Variants in PRKG1 observed in about 807,000 individuals in gnomAD.
The protein encoded by PRKG1 is protein kinase cGMP-dependent 1.
In PRKG1, 35 loss-of-function variants were observed where a neutral mutation model predicts 88.1. The observed-to-expected ratio is 0.40, with a 90% CI of 0.30 to 0.53. PRKG1 has a LOEUF of 0.53. PRKG1 is among the 20% of genes least tolerant of loss of function. PRKG1 has a pLI of 0.59. For synonymous variants in PRKG1, 303 were observed against 292.5 expected, an observed-to-expected ratio of 1.04 and a Z score of -0.37; for missense variants, 540 against 839.8, an observed-to-expected ratio of 0.64 and a Z score of 4.41.
intron 2 of PRKG1, among the ~76,000 whole-genome samples, chr10:51,203,607 G>C (rs1340383771): frequency 6.6e-6 from 1 of 152,208 alleles, no homozygotes; most frequent in Non-Finnish European, 1.5e-5. Context: ...ACTGTGGAAA[G>C]GCTTTGGGTG....
chr10:52,212,889 A>G (rs993360410), intron 9 of PRKG1, among the ~76,000 whole-genome samples: 1 of 152,224 alleles, frequency 6.6e-6, no homozygotes, highest in Non-Finnish European at 1.5e-5. Context: ...CAGTGAAAAC[A>G]CTAAAAGAAA....
chr10:51,533,617 T>TAAA (rs34738901), intron 3 of PRKG1, among the ~76,000 whole-genome samples: 1 of 142,890 alleles, frequency 7.0e-6, no homozygotes, highest in East Asian at 2.1e-4. Flanking sequence ...CTAAAAGCTT[T>TAAA]AAAAAAAAAA....
chr10:52,018,860 T>A (rs1350627965), intron 5 of PRKG1, among the ~76,000 whole-genome samples: 1 of 152,148 alleles, frequency 6.6e-6, no homozygotes, highest in Non-Finnish European at 1.5e-5. Flanking sequence ...GGGAATTTGG[T>A]CAATGTGATT....
At chr10:51,547,307 TAA>T (rs1248570933) in intron 3 of PRKG1, among the ~76,000 whole-genome samples, 3 of 152,076 alleles carry the variant, frequency 2.0e-5, no homozygotes, top group Non-Finnish European at 4.4e-5. Context: ...ACATCTAGAT[TAA>T]GTCATTTATT....
chr10:51,517,038 T>C (rs1000214903), intron 3 of PRKG1, among the ~76,000 whole-genome samples: 2 of 152,210 alleles, frequency 1.3e-5, no homozygotes, highest in Non-Finnish European at 2.9e-5. Flanking sequence ...ATACTGTTTT[T>C]TTCTACCCTC....
chr10:52,176,578 G>A (rs1183804658), intron 9 of PRKG1, among the ~76,000 whole-genome samples: 1 of 151,994 alleles, frequency 6.6e-6, no homozygotes, highest in African/African-American at 2.4e-5. Flanking sequence ...TATTTTGATA[G>A]GGATTGCATT....
At chr10:51,849,342 C>T (rs1261403120) in intron 4 of PRKG1, among the ~76,000 whole-genome samples, 1 of 152,090 alleles carries the variant, frequency 6.6e-6, no homozygotes, top group East Asian at 1.9e-4. Context: ...GAATGGTCAG[C>T]CATAAAACGA....
At chr10:51,397,693 C>T (rs1057345664) in intron 2 of PRKG1, among the ~76,000 whole-genome samples, 3 of 96,422 alleles carry the variant, frequency 3.1e-5, no homozygotes, top group African/African-American at 1.1e-4. Context: ...GGGATTCTGG[C>T]AGTGGAAATA....
intron 1 of PRKG1, among the ~76,000 whole-genome samples, chr10:51,017,648 A>G (rs769899568): frequency 2.6e-5 from 4 of 152,118 alleles, no homozygotes; most frequent in African/African-American, 4.8e-5. Context: ...ACTGACTTCA[A>G]ATTTTTTCCT....
chr10:51,843,111 T>C (rs926417558), intron 4 of PRKG1, among the ~76,000 whole-genome samples: 1 of 148,330 alleles, frequency 6.7e-6, no homozygotes, highest in Non-Finnish European at 1.5e-5. Flanking sequence ...TTTTTTTTTT[T>C]TTTTTGAGAC....
intron 3 of PRKG1, among the ~76,000 whole-genome samples, chr10:51,730,801 A>C (rs1477281741): frequency 2.0e-5 from 3 of 152,204 alleles, no homozygotes; most frequent in African/African-American, 7.2e-5. Flanking sequence ...TGTTTATTCA[A>C]ATTTAAAAGA....
intron 5 of PRKG1, among the ~76,000 whole-genome samples, chr10:51,972,843 T>G (rs866415547): frequency 6.8e-6 from 1 of 146,278 alleles, no homozygotes; most frequent in East Asian, 2.0e-4. Flanking sequence ...TGATATAGGG[T>G]TTTTTTTTTA....
At chr10:51,807,737 A>C (rs1277403844) in intron 4 of PRKG1, among the ~76,000 whole-genome samples, 1 of 152,176 alleles carries the variant, frequency 6.6e-6, no homozygotes, top group Non-Finnish European at 1.5e-5. Flanking sequence ...TAATTTCTGC[A>C]TGACAGCTGT....
intron 3 of PRKG1, among the ~76,000 whole-genome samples, chr10:51,585,346 T>G (rs957746647): frequency 6.6e-6 from 1 of 152,096 alleles, no homozygotes; most frequent in Non-Finnish European, 1.5e-5. Context: ...GCTAAAATAT[T>G]TTGGTGATTT....
chr10:52,239,591 T>C (rs1017882567), intron 9 of PRKG1, among the ~76,000 whole-genome samples: 4 of 149,716 alleles, frequency 2.7e-5, no homozygotes, highest in African/African-American at 9.8e-5. Flanking sequence ...TTTCTTTCAT[T>C]TTACTCAATT....
At chr10:51,057,972 T>A (rs1158066197) in intron 1 of PRKG1, among the ~76,000 whole-genome samples, 1 of 152,114 alleles carries the variant, frequency 6.6e-6, no homozygotes, top group African/African-American at 2.4e-5. Context: ...CAATTTATAC[T>A]CCCACTAATA....
intron 3 of PRKG1, among the ~76,000 whole-genome samples, chr10:51,653,136 A>G (rs1589163459): frequency 6.6e-6 from 1 of 152,206 alleles, no homozygotes; most frequent in East Asian, 1.9e-4. Context: ...GGTTGATTCC[A>G]TATCTTAGCT....
chr10:51,499,307 T>G (rs1840954598), intron 3 of PRKG1, among the ~76,000 whole-genome samples: 1 of 152,274 alleles, frequency 6.6e-6, no homozygotes, highest in East Asian at 1.9e-4. Flanking sequence ...GGCATTACCA[T>G]AGGATGTGTC....
At chr10:51,045,050 A>G (rs1589121399) in intron 1 of PRKG1, among the ~76,000 whole-genome samples, 1 of 152,180 alleles carries the variant, frequency 6.6e-6, no homozygotes, top group African/African-American at 2.4e-5. Context: ...CTTAAAAGGT[A>G]GACATTTTTA....
Sources: allele counts gnomAD v4.1 joint callset (sites outside exome capture counted in the v4.1 genomes callset), GRCh38; gene constraint gnomAD v4.1.1; transcripts MANE v1.5; gene names NCBI Gene and HGNC (gene_info 2026-07-23, HGNC 2026-07-21).